RNF212B: variants seen among roughly 807,000 people sequenced by gnomAD.
RNF212B encodes the protein E3 ubiquitin-protein ligase RNF212B.
Under a neutral mutation model 55.5 loss-of-function variants are expected in RNF212B, and 52 were observed. That is an observed-to-expected ratio of 0.94 (90% CI 0.75 to 1.18). RNF212B has a LOEUF of 1.18. RNF212B is among the 50% of genes most tolerant of loss of function. The pLI, the probability that RNF212B is intolerant of heterozygous loss-of-function variation, is 0.00. For synonymous variants in RNF212B, 99 were observed against 121.4 expected (o/e 0.82, Z 1.21); for missense variants, 289 against 350.4 (o/e 0.82, Z 1.40).
At chr14:23,194,698 G>T (rs1217864637) in intron 2 of RNF212B, among the ~76,000 whole-genome samples, 1 of 124,034 alleles carries the variant, frequency 8.1e-6, no homozygotes, top group African/African-American at 3.0e-5. Context: ...TCGTGCCACT[G>T]CACTCCAGCT....
intron 2 of RNF212B, among the ~76,000 whole-genome samples, chr14:23,241,819 C>T (rs1414935945): frequency 2.0e-5 from 3 of 151,978 alleles, no homozygotes; most frequent in East Asian, 3.9e-4. Context: ...CGCAGTGGCT[C>T]ATGCCTGTAA....
intron 2 of RNF212B, among the ~76,000 whole-genome samples, chr14:23,230,796 A>G (rs1189785638): frequency 1.3e-5 from 2 of 150,780 alleles, no homozygotes; most frequent in Admixed American, 6.6e-5. Flanking sequence ...ATTTTTGTAT[A>G]TGGTGTAAGG....
At chr14:23,187,597 T>G (rs1461957316) in intron 1 of RNF212B, among the ~76,000 whole-genome samples, 1 of 152,144 alleles carries the variant, frequency 6.6e-6, no homozygotes, top group Non-Finnish European at 1.5e-5. Flanking sequence ...CATTCCTGAT[T>G]TTTTTTTCTA....
chr14:23,253,240 C>T (rs564387234), intron 4 of RNF212B, among the ~76,000 whole-genome samples: 7 of 152,272 alleles, frequency 4.6e-5, no homozygotes, highest in African/African-American at 7.2e-5. Context: ...TCCCCATTCA[C>T]ATTTCTCCAG....
chr14:23,204,157 C>T (rs1020671896), intron 2 of RNF212B, among the ~76,000 whole-genome samples: 1 of 152,232 alleles, frequency 6.6e-6, no homozygotes, highest in Non-Finnish European at 1.5e-5. Context: ...TGAAGATTTT[C>T]TCCCACTCTG....
At chr14:23,235,177 G>A (rs146499321), upstream of RNF212B, among the ~76,000 whole-genome samples, 61 of 151,470 alleles carry the variant, frequency 4.0e-4, no homozygotes, top group South Asian at 1.9e-3. Context: ...GTGCCACTGC[G>A]CTCCAGCCTG....
chr14:23,272,081 T>A (rs1209054416), intron 14 of RNF212B, among the ~76,000 whole-genome samples: 1 of 152,164 alleles, frequency 6.6e-6, no homozygotes, highest in Non-Finnish European at 1.5e-5. Context: ...TTGTTAAAGA[T>A]GGACAATGGG....
At chr14:23,213,326 ATT>A in intron 2 of RNF212B, among the ~76,000 whole-genome samples, 1 of 150,750 alleles carries the variant, frequency 6.6e-6, no homozygotes, top group Non-Finnish European at 1.5e-5. Context: ...AAAAAAAAAA[ATT>A]ATAAAACGTT....
intron 2 of RNF212B, among the ~76,000 whole-genome samples, chr14:23,215,447 A>T (rs1272021888): frequency 6.6e-6 from 1 of 152,190 alleles, no homozygotes; most frequent in Non-Finnish European, 1.5e-5. Context: ...TGAGCTTACA[A>T]TGAGACATGA....
intron 11 of RNF212B, among the ~76,000 whole-genome samples, chr14:23,267,436 T>A (rs570414331): frequency 5.6e-5 from 8 of 143,590 alleles, no homozygotes; most frequent in Admixed American, 1.4e-4. Context: ...CTTGTAACAA[T>A]TTTTTTTTTT....
intron 4 of RNF212B, among the ~76,000 whole-genome samples, chr14:23,256,664 G>A (rs1056384497): frequency 2.0e-5 from 3 of 151,774 alleles, no homozygotes; most frequent in East Asian, 2.0e-4. Context: ...GAGCCACCAC[G>A]CCTGGCCTCC....
At chr14:23,217,789 C>T (rs1463269880) in intron 2 of RNF212B, among the ~76,000 whole-genome samples, 2 of 151,994 alleles carry the variant, frequency 1.3e-5, no homozygotes, top group East Asian at 1.9e-4. Context: ...GCCCAGACCA[C>T]GAAGACTATA....
chr14:23,242,081 C>CAAAAAAAAAA (rs58497672), intron 2 of RNF212B, among the ~76,000 whole-genome samples: 31 of 36,644 alleles, frequency 8.5e-4, no homozygotes, highest in Non-Finnish European at 9.2e-4. Flanking sequence ...GACTCCGTCT[C>CAAAAAAAAAA]AAAAAAAAAA....
chr14:23,234,420 A>T (rs1171819498), upstream of RNF212B, among the ~76,000 whole-genome samples: 2 of 152,106 alleles, frequency 1.3e-5, no homozygotes, highest in Non-Finnish European at 2.9e-5. Context: ...CTAGGTTATA[A>T]GAGTATTTAC....
chr14:23,266,428 T>TTTTTTTTA (rs1885705375), intron 11 of RNF212B, among the ~76,000 whole-genome samples: 1 of 139,754 alleles, frequency 7.2e-6, no homozygotes, highest in South Asian at 2.2e-4. Context: ...TTTTTTTTTT[T>TTTTTTTTA]GAGATGGTGT....
At chr14:23,260,592 G>T in intron 6 of RNF212B, 67 bp from the exon 7 acceptor site, 1 of 1,437,068 alleles carries the variant, frequency 7.0e-7, no homozygotes, top group Non-Finnish European at 9.6e-7. Context: ...TCGCAAGTAA[G>T]ACTGAAGATC....
At chr14:23,270,040 A>G in intron 13 of RNF212B, 80 bp downstream of exon 13, 3 of 844,386 alleles carry the variant, frequency 3.6e-6, no homozygotes, top group Middle Eastern at 2.2e-4. Context: ...CAAGATGACA[A>G]GATGTTGAGG....
intron 5 of RNF212B, chr14:23,259,444 G>GC (rs1696727654): frequency 7.4e-6 from 1 of 135,576 alleles, no homozygotes; most frequent in Non-Finnish European, 1.6e-5. Context: ...TTCTTTTAAA[G>GC]TTTTTTTTGT....
chr14:23,266,186 T>C (rs1885678375), intron 11 of RNF212B, among the ~76,000 whole-genome samples: 1 of 151,986 alleles, frequency 6.6e-6, no homozygotes, highest in Non-Finnish European at 1.5e-5. Context: ...CTCCAACTCC[T>C]TACCTCAGGT....
Sources: allele counts gnomAD v4.1 joint callset (sites outside exome capture counted in the v4.1 genomes callset), GRCh38; gene constraint gnomAD v4.1.1; transcripts MANE v1.5; gene names NCBI Gene and HGNC (gene_info 2026-07-23, HGNC 2026-07-21).